Variants in PRKG1 observed in about 807,000 individuals in gnomAD.
PRKG1 encodes cGMP-dependent protein kinase 1.
PRKG1 carries 35 observed loss-of-function variants against 88.1 expected under a neutral mutation model. The ratio of observed to expected loss-of-function variants is 0.40; its 90% confidence interval spans 0.30 to 0.53. The LOEUF is 0.53. Ranked by LOEUF, PRKG1 falls within the 20% of genes least tolerant of loss-of-function variation. The pLI is 0.59. For missense variants in PRKG1, 540 were observed against 839.8 expected (o/e 0.64, Z 4.41); for synonymous variants, 303 against 292.5 (o/e 1.04, Z -0.37).
chr10:51,806,803 G>A (rs1839319348), intron 4 of PRKG1, among the ~76,000 whole-genome samples: 1 of 152,130 alleles, frequency 6.6e-6, no homozygotes, highest in African/African-American at 2.4e-5. Context: ...TTTTCAGCCT[G>A]GATTCTTCTC....
chr10:51,891,455 G>A (rs996851732), intron 4 of PRKG1, among the ~76,000 whole-genome samples: 36 of 152,224 alleles, frequency 2.4e-4, no homozygotes, highest in African/African-American at 7.9e-4. Context: ...TATATGACCT[G>A]AGTTAAATAT....
At chr10:51,710,442 T>C (rs1399123096) in intron 3 of PRKG1, among the ~76,000 whole-genome samples, 2 of 152,208 alleles carry the variant, frequency 1.3e-5, no homozygotes, top group African/African-American at 2.4e-5. Flanking sequence ...ATAGGGATTA[T>C]GATTTATAGT....
chr10:51,547,934 A>G (rs1021959366), intron 3 of PRKG1, among the ~76,000 whole-genome samples: 2 of 152,156 alleles, frequency 1.3e-5, no homozygotes, highest in Admixed American at 6.6e-5. Flanking sequence ...ATTCATGCAC[A>G]TCTTAATTAT....
chr10:51,774,526 G>T (rs994787122), intron 3 of PRKG1, among the ~76,000 whole-genome samples: 1 of 151,956 alleles, frequency 6.6e-6, no homozygotes, highest in Non-Finnish European at 1.5e-5. Flanking sequence ...TCTCAGAAGT[G>T]TAATGGGTTT....
intron 5 of PRKG1, among the ~76,000 whole-genome samples, chr10:51,961,717 C>T (rs984912032): frequency 1.4e-4 from 22 of 152,264 alleles, no homozygotes; most frequent in African/African-American, 4.1e-4. Context: ...CAAATTTTTA[C>T]GTGTATTACC....
At chr10:52,036,899 G>T (rs28768999) in intron 5 of PRKG1, among the ~76,000 whole-genome samples, 15 of 143,322 alleles carry the variant, frequency 1.0e-4, no homozygotes, top group African/African-American at 3.5e-4. Flanking sequence ...TTGAAAAGAA[G>T]GTAATGTGGA....
chr10:52,051,202 G>T (rs940947693), intron 5 of PRKG1, among the ~76,000 whole-genome samples: 1 of 152,176 alleles, frequency 6.6e-6, no homozygotes, highest in African/African-American at 2.4e-5. Flanking sequence ...TTTAAAAGGA[G>T]ATGGATGAGG....
rs868805528 is a variant in PRKG1 at position 51,016,612 on chromosome 10, T to C, written c.266+24968T>C. On this transcript the variant is annotated intron_variant, in intron 1 of 17. Coordinates refer to the PRKG1 transcript ENST00000401604. ...GGCATTACAGTTTATAATGCAGTTTTATATTATTTCATTTCATTAATTCTA... is the reference window on the plus strand; with the variant it reads ...GGCATTACAGTTTATAATGCAGTTTCATATTATTTCATTTCATTAATTCTA... Among the ~76,000 whole-genome samples, 2 of 151,172 alleles carry C rather than the reference T, an allele frequency of 1.3e-5. 1 individual carries two copies. Among genetic ancestry groups the C allele is most frequent in the South Asian group, 4.2e-4 (2 of 4,776 alleles).
intron 2 of PRKG1, among the ~76,000 whole-genome samples, chr10:51,461,532 T>C (rs1231155761): frequency 6.6e-6 from 1 of 152,166 alleles, no homozygotes; most frequent in Non-Finnish European, 1.5e-5. Context: ...CTTTATTCAA[T>C]GTCCAAAGAA....
chr10:51,607,194 A>T (rs1838788975), intron 3 of PRKG1, among the ~76,000 whole-genome samples: 1 of 152,224 alleles, frequency 6.6e-6, no homozygotes. Flanking sequence ...TTTCTGCTTC[A>T]CTAATTTGGT....
chr10:52,293,333 TG>T (rs1397924853), intron 17 of PRKG1, among the ~76,000 whole-genome samples: 8 of 151,518 alleles, frequency 5.3e-5, no homozygotes, highest in Non-Finnish European at 1.0e-4. Flanking sequence ...ATGGCCATAC[TG>T]CCCAAGGTAA....
intron 2 of PRKG1, among the ~76,000 whole-genome samples, chr10:51,155,890 C>A (rs1846197961): frequency 6.6e-6 from 1 of 151,938 alleles, no homozygotes; most frequent in Non-Finnish European, 1.5e-5. Flanking sequence ...AATATCTTCA[C>A]CAAAACGTCT....
At chr10:51,213,314 T>C (rs1838282243) in intron 2 of PRKG1, among the ~76,000 whole-genome samples, 1 of 149,988 alleles carries the variant, frequency 6.7e-6, no homozygotes, top group Admixed American at 6.7e-5. Flanking sequence ...CGGGGACTGT[T>C]GTGGGGTTGG....
At chr10:51,986,058 A>G (rs534698927) in intron 5 of PRKG1, among the ~76,000 whole-genome samples, 10 of 152,298 alleles carry the variant, frequency 6.6e-5, no homozygotes, top group African/African-American at 2.4e-4. Context: ...GCTGACTGGG[A>G]GCTGTGGCTC....
intron 2 of PRKG1, among the ~76,000 whole-genome samples, chr10:51,344,858 G>A (rs1363142947): frequency 3.3e-5 from 5 of 152,106 alleles, no homozygotes; most frequent in East Asian, 1.9e-4. Flanking sequence ...CTTTGCCCCC[G>A]ATGAATTAGT....
At chr10:51,226,295 A>G (rs761518314) in intron 2 of PRKG1, among the ~76,000 whole-genome samples, 40 of 152,334 alleles carry the variant, frequency 2.6e-4, no homozygotes, top group Admixed American at 9.8e-4. Context: ...GAAAAAGTTG[A>G]TTACTAAGAT....
At chr10:52,152,681 A>G (rs971236140) in intron 8 of PRKG1, among the ~76,000 whole-genome samples, 4 of 152,194 alleles carry the variant, frequency 2.6e-5, no homozygotes, top group African/African-American at 9.6e-5. Flanking sequence ...GATCTGATTT[A>G]TGTTTTTAAA....
At chr10:51,404,833 C>G (rs1413944554) in intron 2 of PRKG1, among the ~76,000 whole-genome samples, 1 of 152,144 alleles carries the variant, frequency 6.6e-6, no homozygotes, top group Admixed American at 6.6e-5. Flanking sequence ...ATTCTCTCAC[C>G]TCTACATCTA....
intron 9 of PRKG1, among the ~76,000 whole-genome samples, chr10:52,198,419 G>C (rs902732154): frequency 6.6e-6 from 1 of 152,126 alleles, no homozygotes; most frequent in East Asian, 1.9e-4. Context: ...TCTAACTCAA[G>C]AGAAAGGAAA....
Sources: gnomAD v4.1 joint callset for allele counts (sites outside exome capture counted in the v4.1 genomes callset) on GRCh38, gnomAD v4.1.1 for gene constraint, MANE v1.5 for transcripts, NCBI Gene and HGNC (gene_info 2026-07-23, HGNC 2026-07-21) for gene names.